OXNAD1: variants seen among roughly 807,000 people sequenced by gnomAD.
OXNAD1 encodes oxidoreductase NAD binding domain containing 1.
Under a neutral mutation model 32.9 loss-of-function variants are expected in OXNAD1, and 34 were observed. The ratio of observed to expected loss-of-function variants is 1.03; its 90% confidence interval spans 0.79 to 1.38. The LOEUF is 1.38. Ranked by LOEUF, OXNAD1 falls within the 40% of genes most tolerant of loss-of-function variation. The pLI is 0.00. For missense variants in OXNAD1, 407 were observed against 379.4 expected (o/e 1.07, Z -0.60); for synonymous variants, 134 against 135.2 (o/e 0.99, Z 0.06).
Position 16,302,612 on chromosome 3 carries a change from G to T in OXNAD1, c.676-28G>T. ...TCTGTTTTGATTTTTTAAAATTGTAGTGTGACCAAATATGTTTGACATTCC... is the reference window on the plus strand; with the variant it reads ...TCTGTTTTGATTTTTTAAAATTGTATTGTGACCAAATATGTTTGACATTCC... On this transcript the variant is annotated intron_variant, in intron 7 of 8. Coordinates refer to ENST00000285083, the MANE Select transcript of OXNAD1 (RefSeq NM_138381.5). The surrounding 1 kb of genome is among the most constrained non-coding windows in gnomAD (Gnocchi z 4.2). 6.6e-7 allele frequency: 1 copy of T among 1,508,302 alleles called. No individual in the cohort carries two copies. The highest frequency in any genetic ancestry group is 9.2e-7 in the Non-Finnish European group (1 of 1,091,470). 93.4% of individuals were successfully genotyped at this position (1,508,302 alleles called of 1,614,324 possible).
Position 16,305,248 on chromosome 3 carries a change from A to AT in OXNAD1, c.*1688dup, listed in dbSNP as rs1218094339. 2 of 152,206 alleles carry AT rather than the reference A, an allele frequency of 1.3e-5. No homozygotes were observed. The highest frequency in any genetic ancestry group is 2.9e-5 in the Non-Finnish European group (2 of 68,046). 9.4% of individuals were successfully genotyped at this position (152,206 alleles called of 1,614,324 possible). A position where few individuals can be genotyped will look rare whatever the true frequency, so the allele number is the denominator to read the frequency against. The stretch of plus-strand genomic sequence containing the variant: ...AAGTACCTAACCCAGACCTCTCTGC[A>AT]TTAGGAGTGGAGGTGCAAAGTGAGC... On this transcript the variant is annotated 3_prime_UTR_variant, in exon 9 of 9. Transcript: ENST00000285083. This position sits in a 1 kb window ranked among gnomAD's most constrained non-coding sequence, Gnocchi z 4.5.
chr3:16,324,974 T>C (rs767318281), intron 9 of OXNAD1, among the ~76,000 whole-genome samples: 80 of 152,120 alleles, frequency 5.3e-4, no homozygotes, highest in Admixed American at 5.2e-4. Flanking sequence ...CTCTATACCC[T>C]TGTCTTTTTT....
At chr3:16,282,122 A>G (rs1406767471) in intron 4 of OXNAD1, among the ~76,000 whole-genome samples, 1 of 137,148 alleles carries the variant, frequency 7.3e-6, no homozygotes, top group African/African-American at 2.8e-5. Context: ...GGCTCAAGCT[A>G]TCTGCCTGCC....
intron 9 of OXNAD1, among the ~76,000 whole-genome samples, chr3:16,331,919 G>A (rs562215784): frequency 4.5e-4 from 69 of 152,286 alleles, no homozygotes; most frequent in African/African-American, 1.3e-3. Flanking sequence ...TGATTTATCC[G>A]TCAAAATTTT....
At position 16,317,839 on chromosome 3, in the gene OXNAD1, C is replaced by T. The variant is rs1229185157; in HGVS notation, c.*30+14247C>T. ...CAGGGCAACCTACAACCAATGACTG[C>T]CCCAGGTGGGATACAACAACCCATT... On this transcript the variant is annotated intron_variant, in intron 9 of 9. Coordinates refer to the OXNAD1 transcript ENST00000435829. This position sits in a 1 kb window ranked among gnomAD's most constrained non-coding sequence, Gnocchi z 4.3. Among the ~76,000 whole-genome samples the T allele has an allele frequency of 6.6e-6, 1 of 152,198 alleles. No individual in the cohort carries two copies. Among genetic ancestry groups the T allele is most frequent in the African/African-American group, 2.4e-5 (1 of 41,438 alleles).
rs1351178459 is a variant in OXNAD1, at chr3:16,280,878, A to T, written c.184-5464A>T. ...TGGCAAATGTGTTGTTATTTTACTGAACACTGGAAAAGCATAAATGTTGTT... is the reference window on the plus strand; with the variant it reads ...TGGCAAATGTGTTGTTATTTTACTGTACACTGGAAAAGCATAAATGTTGTT... On this transcript the variant is annotated intron_variant, in intron 4 of 8. Transcript: ENST00000285083. The surrounding 1 kb of genome is among the most constrained non-coding windows in gnomAD (Gnocchi z 4.5). 6.6e-6 allele frequency among the ~76,000 whole-genome samples: 1 copy of T among 152,250 alleles called. No individual in the cohort carries two copies. Among genetic ancestry groups the T allele is most frequent in the Non-Finnish European group, 1.5e-5 (1 of 68,052 alleles).
In OXNAD1 at chr3:16,277,081, T is replaced by A. The variant is rs11929469; in HGVS notation, c.183+5359T>A. On this transcript the variant is annotated intron_variant, in intron 4 of 8. Coordinates refer to ENST00000285083, the MANE Select transcript of OXNAD1 (RefSeq NM_138381.5). This position sits in a 1 kb window ranked among gnomAD's most constrained non-coding sequence, Gnocchi z 4.3. Reference sequence around the variant, plus strand: ...CTGGGATTACAGGCGCCTGCCACCATGCCCGGCTAACTTTTTTTTGTATTT... The same window carrying A: ...CTGGGATTACAGGCGCCTGCCACCAAGCCCGGCTAACTTTTTTTTGTATTT... Among the ~76,000 whole-genome samples the A allele has an allele frequency of 6.6e-6, 1 of 151,814 alleles. No individual in the cohort carries two copies. Among genetic ancestry groups the A allele is most frequent in the Non-Finnish European group, 1.5e-5 (1 of 67,936 alleles).
In OXNAD1 at chr3:16,283,784, C is replaced by G. The variant is rs191194389; in HGVS notation, c.184-2558C>G. Among the ~76,000 whole-genome samples, 234 of 152,272 alleles carry G rather than the reference C, an allele frequency of 1.5e-3. 1 individual carries two copies. The highest frequency in any genetic ancestry group is 5.2e-3 in the African/African-American group (216 of 41,562). ...GAGAAGGAATGGTAAAGGAGAAAGA[C>G]TAGGTCAGTGATAACAGGAGGGGAC... On this transcript the variant is annotated intron_variant, in intron 4 of 8. Transcript: ENST00000285083.
At chr3:16,266,380 C>G (rs528823240) in intron 1 of OXNAD1, among the ~76,000 whole-genome samples, 1 of 152,080 alleles carries the variant, frequency 6.6e-6, no homozygotes, top group African/African-American at 2.4e-5. Flanking sequence ...CCTAAAAGGG[C>G]GGATCACGAG....
chr3:16,272,103 T>A (rs750148683), intron 4 of OXNAD1: 7 of 426,574 alleles, frequency 1.6e-5, no homozygotes, highest in African/African-American at 1.5e-4. Flanking sequence ...TTTTTTTTTT[T>A]TGCGTCACAT....
Position 16,302,944 on chromosome 3 carries a change from G to T in OXNAD1, c.784+196G>T, listed in dbSNP as rs2067294236. Among the ~76,000 whole-genome samples, 1 of 152,152 alleles carries T rather than the reference G, an allele frequency of 6.6e-6. No individual in the cohort carries two copies. The highest frequency in any genetic ancestry group is 1.5e-5 in the Non-Finnish European group (1 of 68,024). On this transcript the variant is annotated intron_variant, in intron 8 of 8. Coordinates refer to ENST00000285083, the MANE Select transcript of OXNAD1 (RefSeq NM_138381.5). This position sits in a 1 kb window ranked among gnomAD's most constrained non-coding sequence, Gnocchi z 4.2. The stretch of plus-strand genomic sequence containing the variant: ...TATATACAGGTTTCCTATTGCCTGT[G>T]TTAAAAGTGTACTTTTCACACTTTT...
chr3:16,341,736 T>A (rs2071332017), downstream of OXNAD1, among the ~76,000 whole-genome samples: 1 of 152,128 alleles, frequency 6.6e-6, no homozygotes, highest in African/African-American at 2.4e-5. The surrounding 1 kb of genome is among the most constrained non-coding windows in gnomAD (Gnocchi z 4.7). Flanking sequence ...TTAAATAAAT[T>A]AAAATTTTTC....
chr3:16,309,724 A>AAATC (rs2067836073), downstream of OXNAD1, among the ~76,000 whole-genome samples: 1 of 152,188 alleles, frequency 6.6e-6, no homozygotes, highest in Admixed American at 6.5e-5. Context: ...CAAGAGACCT[A>AAATC]AATCATGCCC....
chr3:16,279,053 C>T (rs764688822), intron 4 of OXNAD1, among the ~76,000 whole-genome samples: 10 of 152,226 alleles, frequency 6.6e-5, no homozygotes, highest in Non-Finnish European at 1.2e-4. Context: ...TGTTTCTCAA[C>T]AGTTATTCCT....
intron 5 of OXNAD1, among the ~76,000 whole-genome samples, chr3:16,293,643 G>A (rs939394151): frequency 2.7e-5 from 4 of 150,670 alleles, no homozygotes; most frequent in Admixed American, 6.6e-5. Flanking sequence ...TTCTGATCAC[G>A]TTTTATTTCA....
rs1483419450 is a variant in OXNAD1 at position 16,284,396 on chromosome 3, A to G, written c.184-1946A>G. ...ATTGTGCAGACATAGAGTGTACTTA[A>G]ACAAACCTGGAGGGGATAGCCTACT... On this transcript the variant is annotated intron_variant, in intron 4 of 8. Transcript: ENST00000285083. The surrounding 1 kb of genome is among the most constrained non-coding windows in gnomAD (Gnocchi z 4.1). Among the ~76,000 whole-genome samples, 2 of 91,886 alleles carry G rather than the reference A, an allele frequency of 2.2e-5. No individual in the cohort carries two copies. The highest frequency in any genetic ancestry group is 5.1e-4 in the East Asian group (2 of 3,892). 60.3% of individuals were successfully genotyped at this position (91,886 alleles called of 152,430 possible).
intron 4 of OXNAD1, among the ~76,000 whole-genome samples, chr3:16,283,321 G>T (rs2065876159): frequency 6.6e-6 from 1 of 152,162 alleles, no homozygotes; most frequent in South Asian, 2.1e-4. Context: ...TATGGCATAA[G>T]TGCGTTTACC....
Position 16,303,424 on chromosome 3 carries a change from G to GA in OXNAD1, c.803dup (p.Glu269GlyfsTer41). 1 of 1,613,704 alleles carries GA rather than the reference G, an allele frequency of 6.2e-7. No homozygotes were observed. Among genetic ancestry groups the GA allele is most frequent in the Non-Finnish European group, 8.5e-7 (1 of 1,179,784 alleles). ...TTTTGGTAGAAGGAAGAATAACGGA[G>GA]AAGGAGATAAGAGATCATATTTCAA... On this transcript the variant is annotated frameshift_variant, in exon 9 of 9. Transcript: ENST00000285083. LOFTEE classifies it high-confidence loss of function. The surrounding 1 kb of genome is among the most constrained non-coding windows in gnomAD (Gnocchi z 4.8).
chr3:16,345,836 ACGCGCACATGTGCAT>A lies in OXNAD1; in HGVS notation c.*31-3339_*31-3325del, dbSNP rs2071669105. On this transcript the variant is annotated intron_variant, in intron 9 of 9. Transcript: ENST00000606098. This position sits in a 1 kb window ranked among gnomAD's most constrained non-coding sequence, Gnocchi z 5.2. ...TGTGTGTGCGCGCGCGCGTGCGCGC[ACGCGCACATGTGCAT>A]GTGTATGTGTATAATCTCCTACTGG... is the stretch of plus-strand genomic sequence containing the variant. Among the ~76,000 whole-genome samples, 4 of 63,670 alleles carry A rather than the reference ACGCGCACATGTGCAT, an allele frequency of 6.3e-5. No individual in the cohort carries two copies. In the East Asian group the frequency reaches 1.9e-3, roughly 30 times the overall value. 41.8% of individuals were successfully genotyped at this position (63,670 alleles called of 152,430 possible). A position where few individuals can be genotyped will look rare whatever the true frequency, so the allele number is the denominator to read the frequency against.
Sources: gnomAD v4.1 joint callset for allele counts (sites outside exome capture counted in the v4.1 genomes callset) on GRCh38, gnomAD v4.1.1 for gene constraint, Gnocchi (gnomAD v3.1) non-coding constraint, MANE v1.5 for transcripts, NCBI Gene and HGNC (gene_info 2026-07-23, HGNC 2026-07-21) for gene names.